BMERB1: variants seen among roughly 807,000 people sequenced by gnomAD.
The protein encoded by BMERB1 is bMERB domain containing 1.
In BMERB1, 12 loss-of-function variants were observed where a neutral mutation model predicts 23.6. That is an observed-to-expected ratio of 0.51 (90% confidence interval 0.33 to 0.82). BMERB1 has a LOEUF of 0.82. Ranked by LOEUF, BMERB1 falls within the 40% of genes least tolerant of loss-of-function variation. The pLI is 0.03. For missense variants in BMERB1, 247 were observed against 255.4 expected (o/e 0.97, Z 0.22); for synonymous variants, 122 against 96.6 (o/e 1.26, Z -1.54).
chr16:15,537,079 G>GCCATCTGTTGTCTTCATCATC (rs1347974413), intron 2 of BMERB1: 2 of 152,134 alleles, frequency 1.3e-5, no homozygotes, highest in Non-Finnish European at 2.9e-5. Flanking sequence ...TAATTCCGAT[G>GCCATCTGTTGTCTTCATCATC]CCATCTGTTG....
At chr16:15,463,590 A>T (rs1411070189) in intron 1 of BMERB1, among the ~76,000 whole-genome samples, 2 of 152,138 alleles carry the variant, frequency 1.3e-5, no homozygotes, top group Non-Finnish European at 2.9e-5. Flanking sequence ...TCACACTCTG[A>T]GACTGTAGCT....
At chr16:15,518,317 G>A (rs929383343) in intron 2 of BMERB1, among the ~76,000 whole-genome samples, 1 of 152,148 alleles carries the variant, frequency 6.6e-6, no homozygotes, top group Non-Finnish European at 1.5e-5. Flanking sequence ...CATTTTCCAG[G>A]GGAGGGACCC....
At chr16:15,519,016 T>G (rs529281264) in intron 2 of BMERB1, among the ~76,000 whole-genome samples, 23 of 151,668 alleles carry the variant, frequency 1.5e-4, no homozygotes, top group Middle Eastern at 3.4e-3. Flanking sequence ...TCATGAATAT[T>G]TGTCAAATGT....
At chr16:15,501,277 G>C (rs1319356239) in intron 1 of BMERB1, among the ~76,000 whole-genome samples, 3 of 142,968 alleles carry the variant, frequency 2.1e-5, no homozygotes, top group Non-Finnish European at 4.5e-5. Flanking sequence ...TCCGCACCCA[G>C]CTCTTTTTAC....
At chr16:15,499,463 T>C (rs1251655404) in intron 1 of BMERB1, among the ~76,000 whole-genome samples, 6 of 152,134 alleles carry the variant, frequency 3.9e-5, no homozygotes, top group East Asian at 1.9e-4. Flanking sequence ...CTGCTCCCTT[T>C]GTCATTTCTT....
intron 1 of BMERB1, among the ~76,000 whole-genome samples, chr16:15,477,748 C>T (rs2051286264): frequency 6.6e-6 from 1 of 151,140 alleles, no homozygotes; most frequent in Admixed American, 6.6e-5. Context: ...GGTTCCAGGT[C>T]AGAGGCTTTT....
chr16:15,460,764 T>G (rs1032523878), intron 1 of BMERB1, among the ~76,000 whole-genome samples: 1 of 152,098 alleles, frequency 6.6e-6, no homozygotes, highest in Non-Finnish European at 1.5e-5. Context: ...AAGGAATTTG[T>G]GGGCTGGTAA....
chr16:15,563,923 C>T (rs140116786), intron 2 of BMERB1, among the ~76,000 whole-genome samples: 1 of 152,140 alleles, frequency 6.6e-6, no homozygotes, highest in East Asian at 1.9e-4. Context: ...GGTGGATCCC[C>T]CATGAATAGA....
chr16:15,485,923 A>T (rs1428615043), intron 1 of BMERB1, among the ~76,000 whole-genome samples: 1 of 152,138 alleles, frequency 6.6e-6, no homozygotes, highest in East Asian at 1.9e-4. Flanking sequence ...TGAGAGGCCC[A>T]TGCTGATGAC....
At chr16:15,534,939 AC>A (rs146098524) in intron 2 of BMERB1, among the ~76,000 whole-genome samples, 2 of 152,250 alleles carry the variant, frequency 1.3e-5, no homozygotes, top group African/African-American at 4.8e-5. Flanking sequence ...ACATATGGGT[AC>A]CATCTGTCAA....
At chr16:15,503,427 G>T (rs928583206) in intron 1 of BMERB1, among the ~76,000 whole-genome samples, 90 of 149,784 alleles carry the variant, frequency 6.0e-4, no homozygotes, top group Non-Finnish European at 1.1e-3. Flanking sequence ...GACTACAGGC[G>T]CCTGCCACCA....
chr16:15,461,308 A>G (rs1371278468), intron 1 of BMERB1, among the ~76,000 whole-genome samples: 3 of 152,140 alleles, frequency 2.0e-5, no homozygotes, highest in South Asian at 2.1e-4. Flanking sequence ...GCAAAGTCAC[A>G]TAAGTACAAA....
intron 1 of BMERB1, among the ~76,000 whole-genome samples, chr16:15,503,541 A>T (rs1333466746): frequency 1.3e-5 from 2 of 148,604 alleles, no homozygotes; most frequent in Non-Finnish European, 3.0e-5. Context: ...CTCGTGATCC[A>T]TCCACCTCGG....
chr16:15,535,255 G>A (rs1426758415), intron 2 of BMERB1, among the ~76,000 whole-genome samples: 2 of 152,180 alleles, frequency 1.3e-5, no homozygotes, highest in Non-Finnish European at 2.9e-5. Flanking sequence ...AGAGGCTGAG[G>A]TGGGAGGATT....
intron 2 of BMERB1, among the ~76,000 whole-genome samples, chr16:15,531,436 A>C (rs1436012685): frequency 1.3e-5 from 2 of 152,164 alleles, no homozygotes; most frequent in Admixed American, 6.5e-5. Context: ...TCATAGGTTC[A>C]TTAGGACATG....
At chr16:15,498,022 A>T (rs2051491304) in intron 1 of BMERB1, among the ~76,000 whole-genome samples, 1 of 152,014 alleles carries the variant, frequency 6.6e-6, no homozygotes, top group Non-Finnish European at 1.5e-5. Context: ...TAACCTCCAT[A>T]CCAACCCTTG....
At chr16:15,473,696 T>C (rs1391454522) in intron 1 of BMERB1, among the ~76,000 whole-genome samples, 1 of 152,226 alleles carries the variant, frequency 6.6e-6, no homozygotes, top group Non-Finnish European at 1.5e-5. Context: ...CATCTATTTT[T>C]GCCAGATATA....
chr16:15,509,185 G>T (rs201489067), intron 1 of BMERB1, among the ~76,000 whole-genome samples: 1 of 152,014 alleles, frequency 6.6e-6, no homozygotes, highest in African/African-American at 2.4e-5. Context: ...TGGAAATCAG[G>T]TTGCCCATCT....
chr16:15,576,970 C>G (rs2030879679), intron 3 of BMERB1, among the ~76,000 whole-genome samples: 1 of 152,122 alleles, frequency 6.6e-6, no homozygotes. Context: ...TATAGACAAG[C>G]TTGAGGAGGT....
Sources: gnomAD v4.1 joint callset for allele counts (sites outside exome capture counted in the v4.1 genomes callset) on GRCh38, gnomAD v4.1.1 for gene constraint, MANE v1.5 for transcripts, NCBI Gene and HGNC (gene_info 2026-07-23, HGNC 2026-07-21) for gene names.